The following NAALADL2 variants were observed in gnomAD, a reference collection of about 807,000 sequenced individuals.
NAALADL2 encodes N-acetylated alpha-linked acidic dipeptidase like 2, also known as inactive N-acetylated-alpha-linked acidic dipeptidase-like protein 2.
Under a neutral mutation model 87.2 loss-of-function variants are expected in NAALADL2, and 76 were observed. The observed-to-expected ratio is 0.87, with a 90% CI of 0.72 to 1.05. The LOEUF is 1.05. NAALADL2 is among the 50% of genes least tolerant of loss of function. The pLI, the probability that NAALADL2 is intolerant of heterozygous loss-of-function variation, is 0.00. For missense variants in NAALADL2, 1,089 were observed against 945.8 expected, an observed-to-expected ratio of 1.15 and a Z score of -1.99; for synonymous variants, 354 against 331.0, an observed-to-expected ratio of 1.07 and a Z score of -0.75.
At chr3:175,241,524 A>G (rs1296746109) in intron 3 of NAALADL2, among the ~76,000 whole-genome samples, 1 of 152,076 alleles carries the variant, frequency 6.6e-6, no homozygotes, top group Non-Finnish European at 1.5e-5. Flanking sequence ...CTCAGCCCTT[A>G]ATTACTTCTT....
intron 2 of NAALADL2, among the ~76,000 whole-genome samples, chr3:175,120,010 A>G (rs1725918181): frequency 1.3e-5 from 2 of 150,978 alleles, no homozygotes; most frequent in African/African-American, 2.4e-5. Flanking sequence ...TTGCACTGCT[A>G]TTGAAGTTTG....
At chr3:175,780,095 T>C (rs373389603) in intron 13 of NAALADL2, among the ~76,000 whole-genome samples, 57 of 150,700 alleles carry the variant, frequency 3.8e-4, no homozygotes, top group East Asian at 9.8e-4. Flanking sequence ...GGTGAAACCC[T>C]GTCTCTACTA....
intron 1 of NAALADL2, among the ~76,000 whole-genome samples, chr3:174,958,144 T>TA (rs1450064724): frequency 6.6e-6 from 1 of 151,302 alleles, no homozygotes; most frequent in Non-Finnish European, 1.5e-5. Context: ...CTTTTTTTTT[T>TA]TCAGTTTCTT....
chr3:175,517,081 T>C (rs1023234478), intron 9 of NAALADL2, among the ~76,000 whole-genome samples: 2 of 152,224 alleles, frequency 1.3e-5, no homozygotes, highest in African/African-American at 4.8e-5. Context: ...GTATTTTTAA[T>C]AACAATTCAA....
Position 175,803,113 on chromosome 3 carries a change from G to A in NAALADL2, c.2298G>A (p.Leu766=), listed in dbSNP as rs1754384802. 1 of 1,612,404 alleles carries A rather than the reference G, an allele frequency of 6.2e-7. No individual in the cohort carries two copies. The highest frequency in any genetic ancestry group is 2.2e-5 in the East Asian group (1 of 44,838). ...CAAATGAGACCCTTCAAGAAGCCCT[G>A]TCAGAGGTGTTGAACAGCATTAATT... ...LASNETLQEA[L]SEVLNSINSA... Residue 766 remains leucine (L), a synonymous_variant, in exon 14 of 14, where the codon CTG becomes CTA. Coordinates refer to ENST00000454872, the MANE Select transcript of NAALADL2 (RefSeq NM_207015.3).
chr3:174,946,771 G>A (rs555176753), intron 1 of NAALADL2, among the ~76,000 whole-genome samples: 60 of 152,208 alleles, frequency 3.9e-4, no homozygotes, highest in African/African-American at 1.2e-3. Flanking sequence ...TCAATTAGGA[G>A]TATACTTAGG....
chr3:174,661,951 T>G (rs1725544574), intron 2 of NAALADL2, among the ~76,000 whole-genome samples: 1 of 152,214 alleles, frequency 6.6e-6, no homozygotes, highest in Non-Finnish European at 1.5e-5. Flanking sequence ...CTGCATGTTC[T>G]GATTTTTCAT....
intron 2 of NAALADL2, among the ~76,000 whole-genome samples, chr3:175,173,318 AAATAAATAAAT>A (rs1560118673): frequency 1.5e-5 from 2 of 132,216 alleles, no homozygotes; most frequent in East Asian, 4.1e-4. Flanking sequence ...TAAAATAAAT[AAATAAATAAAT>A]AAATAAATAA....
chr3:174,481,431 A>G (rs896255755), intron 1 of NAALADL2, among the ~76,000 whole-genome samples: 6 of 152,066 alleles, frequency 3.9e-5, no homozygotes, highest in Admixed American at 3.3e-4. Context: ...TGACTGATTT[A>G]AGGGGAAGAG....
intron 5 of NAALADL2, among the ~76,000 whole-genome samples, chr3:175,425,224 A>G (rs1263028302): frequency 6.6e-6 from 1 of 152,106 alleles, no homozygotes; most frequent in Non-Finnish European, 1.5e-5. Context: ...GCAGGAAAAT[A>G]AGCTCAAATA....
Position 175,803,424 on chromosome 3 carries a change from T to C in NAALADL2, c.*221T>C, listed in dbSNP as rs982327008. On this transcript the variant is annotated 3_prime_UTR_variant, in exon 14 of 14. Transcript: ENST00000454872. ...ATTTCTGAATATGTAAAGCAAGTTA[T>C]TGAAATAGGACTTAAGAATTACCTA... is the stretch of plus-strand genomic sequence containing the variant. 2 of 345,864 alleles carry C rather than the reference T, an allele frequency of 5.8e-6. No homozygotes were observed. The highest frequency in any genetic ancestry group is 4.7e-5 in the East Asian group (1 of 21,144). 21.4% of individuals were successfully genotyped at this position (345,864 alleles called of 1,614,324 possible).
chr3:175,013,740 C>T (rs923167848), intron 1 of NAALADL2, among the ~76,000 whole-genome samples: 8 of 152,018 alleles, frequency 5.3e-5, no homozygotes, highest in African/African-American at 1.2e-4. Context: ...CATCCAGAAG[C>T]GGCCCTTCTT....
chr3:174,731,573 G>A (rs922352808), intron 2 of NAALADL2, among the ~76,000 whole-genome samples: 1 of 152,102 alleles, frequency 6.6e-6, no homozygotes, highest in African/African-American at 2.4e-5. Context: ...TCATGGTCGG[G>A]TGTTAATAAA....
At chr3:175,205,485 T>C (rs1379223513) in intron 2 of NAALADL2, among the ~76,000 whole-genome samples, 1 of 152,196 alleles carries the variant, frequency 6.6e-6, no homozygotes, top group Non-Finnish European at 1.5e-5. Flanking sequence ...TGTGAAGCTA[T>C]AAGAATTCTA....
chr3:174,748,025 G>C (rs186663573), intron 3 of NAALADL2, among the ~76,000 whole-genome samples: 41 of 152,218 alleles, frequency 2.7e-4, no homozygotes, highest in Admixed American at 1.5e-3. Context: ...CGTGGGTGGA[G>C]CTGGAAGCCA....
intron 3 of NAALADL2, among the ~76,000 whole-genome samples, chr3:174,787,591 A>ATG (rs1716867056): frequency 3.0e-5 from 2 of 65,782 alleles, no homozygotes; most frequent in African/African-American, 1.0e-4. Context: ...ATATATATAT[A>ATG]TATATATATA....
intron 1 of NAALADL2, among the ~76,000 whole-genome samples, chr3:174,986,509 TTAAA>T (rs1745902838): frequency 6.6e-6 from 1 of 151,900 alleles, no homozygotes; most frequent in Non-Finnish European, 1.5e-5. Flanking sequence ...AGTTTTTCCG[TTAAA>T]TGGTGGAAAC....
chr3:175,786,605 A>G (rs1212953910), intron 13 of NAALADL2, among the ~76,000 whole-genome samples: 28 of 151,770 alleles, frequency 1.8e-4, no homozygotes, highest in Non-Finnish European at 8.8e-5. Context: ...ATTCTTCTAA[A>G]TTTTTTTCAA....
intron 2 of NAALADL2, among the ~76,000 whole-genome samples, chr3:174,575,196 A>G (rs1347741425): frequency 6.6e-6 from 1 of 152,150 alleles, no homozygotes; most frequent in Non-Finnish European, 1.5e-5. Flanking sequence ...TCTCCACTGC[A>G]GGATATAATG....
Sources: allele counts gnomAD v4.1 joint callset (sites outside exome capture counted in the v4.1 genomes callset), GRCh38; gene constraint gnomAD v4.1.1; transcripts MANE v1.5; gene names NCBI Gene and HGNC (gene_info 2026-07-23, HGNC 2026-07-21).